Variants in SGCA observed in about 807,000 individuals in gnomAD.
SGCA encodes the protein sarcoglycan alpha, also known as alpha-sarcoglycan.
SGCA carries 34 observed loss-of-function variants against 38.1 expected under a neutral mutation model. The ratio of observed to expected loss-of-function variants is 0.89; its 90% CI spans 0.68 to 1.19. The LOEUF is 1.19. Among genes scored for constraint, SGCA ranks in the 50% most tolerant of loss-of-function variants. The pLI, the probability that SGCA is intolerant of heterozygous loss-of-function variation, is 0.00. For synonymous variants in SGCA, 209 were observed against 214.6 expected (o/e 0.97, Z 0.23); for missense variants, 476 against 524.9 (o/e 0.91, Z 0.91).
At position 50,170,307 on chromosome 17, in the gene SGCA, C is replaced by T. The variant is rs965941711; in HGVS notation, c.912C>T (p.Leu304=). The T allele has an allele frequency of 1.2e-6, 2 of 1,614,188 alleles. No individual in the cohort carries two copies. Among genetic ancestry groups the T allele is most frequent in the Non-Finnish European group, 1.7e-6 (2 of 1,180,016 alleles). ...TGCCCCTGCTGGTGGCCCTGCTTCTCACCTTGCTGCTGGCCTATGTCATGT... is the reference window on the plus strand; with the variant it reads ...TGCCCCTGCTGGTGGCCCTGCTTCTTACCTTGCTGCTGGCCTATGTCATGT... ...LLVPLLVALL[L]TLLLAYVMCC... Residue 304 remains leucine (L), a synonymous_variant, in exon 7 of 10, where the codon CTC becomes CTT. Transcript: ENST00000262018.
At chr17:50,173,808 C>A (rs1905681309) in intron 8 of SGCA, among the ~76,000 whole-genome samples, 1 of 152,208 alleles carries the variant, frequency 6.6e-6, no homozygotes, top group African/African-American at 2.4e-5. Flanking sequence ...GGTGACTCCA[C>A]CTCTTCCTGC....
At chr17:50,175,494 G>A in intron 9 of SGCA, 45 bp downstream of exon 9, 1 of 1,543,462 alleles carries the variant, frequency 6.5e-7, no homozygotes, top group South Asian at 1.1e-5. Context: ...GGAACAAGAT[G>A]GCCTTTATCA....
chr17:50,172,571 C>T, intron 8 of SGCA: 1 of 284,840 alleles, frequency 3.5e-6, no homozygotes, highest in Non-Finnish European at 7.0e-6. Flanking sequence ...ACCTCAGACT[C>T]CCTGGGCTCA....
chr17:50,171,915 G>A (rs1025908072), intron 8 of SGCA: 5 of 456,652 alleles, frequency 1.1e-5, no homozygotes, highest in South Asian at 3.1e-5. Context: ...GCACAGGTGC[G>A]TTGCCCAGTC....
In SGCA at chr17:50,175,865, A is replaced by G. The variant is rs73987439; in HGVS notation, c.*166A>G. On this transcript the variant is annotated 3_prime_UTR_variant, in exon 10 of 10. Coordinates refer to ENST00000262018, the MANE Select transcript of SGCA (RefSeq NM_000023.4). ...GGGGTGGGGTGAGAGTGTGTGGAGT[A>G]AGGACATTCAGAATAAATATCTGCT... 0.056 allele frequency: 26,142 copies of G among 465,532 alleles called. 1,327 individuals carry two copies. The highest frequency in any genetic ancestry group is 0.2 in the African/African-American group (10,266 of 50,490). The allele number at this position is 465,532 out of a possible 1,614,324, so 28.8% of individuals were successfully genotyped here.
Position 50,166,065 on chromosome 17 carries a change from C to A in SGCA, c.25C>A (p.Pro9Thr), listed in dbSNP as rs1420118468. The A allele has an allele frequency of 6.2e-7, 1 of 1,613,740 alleles. No individual in the cohort carries two copies. Among genetic ancestry groups the A allele is most frequent in the Admixed American group, 1.7e-5 (1 of 60,018 alleles). Residue 9 changes from proline to threonine, a missense_variant, in exon 1 of 10, where the codon CCT (proline) becomes ACT (threonine). Coordinates refer to ENST00000262018, the MANE Select transcript of SGCA (RefSeq NM_000023.4). ...CATGGCTGAGACACTCTTCTGGACTCCTCTCCTCGTGGGCAAGTTGGGGCC... is the reference window on the plus strand; with the variant it reads ...CATGGCTGAGACACTCTTCTGGACTACTCTCCTCGTGGGCAAGTTGGGGCC... MAETLFWT[P>T]LLVVLLAGLG... is the part of the protein sequence containing the mutation.
Position 50,169,244 on chromosome 17 carries a change from A to G in SGCA, c.737A>G (p.Asn246Ser), listed in dbSNP as rs886042858. Residue 246 changes from asparagine to serine, a missense_variant, in exon 6 of 10, where the codon AAT becomes AGT. Transcript: ENST00000262018. ...LAPHFRVDWC[N>S]VTLVDKSVPE... ...CCCCACTTCCGCGTTGACTGGTGCAATGTGACCCTGGTGAGGAGGGACCCT... is the reference window on the plus strand; with the variant it reads ...CCCCACTTCCGCGTTGACTGGTGCAGTGTGACCCTGGTGAGGAGGGACCCT... The G allele has an allele frequency of 2.5e-6, 4 of 1,612,866 alleles. No individual in the cohort carries two copies. The highest frequency in any genetic ancestry group is 2.7e-5 in the African/African-American group (2 of 74,842).
chr17:50,170,339 G>A lies in SGCA; in HGVS notation c.944G>A (p.Arg315Gln), dbSNP rs1905272005. 4 of 1,613,544 alleles carry A rather than the reference G, an allele frequency of 2.5e-6. No homozygotes were observed. Among genetic ancestry groups the A allele is most frequent in the Non-Finnish European group, 1.7e-6 (2 of 1,179,506 alleles). Residue 315 changes from arginine (R) to glutamine (Q), a missense_variant, in exon 7 of 10, where the codon CGG (arginine) becomes CAG (glutamine). Transcript: ENST00000262018. ...CTGCTGGCCTATGTCATGTGCTGCC[G>A]GCGGGAGGGAAGGTGAATGTGGGCA... ...TLLLAYVMCC[R>Q]REGRLKRDLA...
At chr17:50,171,420 G>A (rs1342951225) in intron 8 of SGCA, 10 of 435,898 alleles carry the variant, frequency 2.3e-5, no homozygotes, top group African/African-American at 1.4e-4. Context: ...GATTCCAGGA[G>A]GCAGATGTGA....
chr17:50,175,644 T>G (rs1905882242), intron 9 of SGCA, 68 bp from the exon 10 acceptor site: 1 of 692,842 alleles, frequency 1.4e-6, no homozygotes, highest in African/African-American at 1.8e-5. Flanking sequence ...GCAGTTGGAG[T>G]GTCAGGGTGG....
In SGCA at chr17:50,167,626, G is replaced by C; in HGVS notation, c.202G>C (p.Gly68Arg). 1 of 1,613,728 alleles carries C rather than the reference G, an allele frequency of 6.2e-7. No individual in the cohort carries two copies. The highest frequency in any genetic ancestry group is 8.5e-7 in the Non-Finnish European group (1 of 1,179,958). ...VHITYHAHLQ[G>R]HPDLPRWLRY... is the part of the protein sequence containing the mutation. ...CATCACCTACCACGCCCACCTCCAGGGACACCCAGACCTGCCCCGGTGGCT... is the reference window on the plus strand; with the variant it reads ...CATCACCTACCACGCCCACCTCCAGCGACACCCAGACCTGCCCCGGTGGCT... Residue 68 changes from glycine (G) to arginine (R), a missense_variant, in exon 3 of 10, where the codon GGA (glycine) becomes CGA (arginine). Physicochemically the swap from Gly to Arg is moderately radical, Grantham distance 125. Transcript: ENST00000262018. This position sits in a 1 kb window ranked among gnomAD's most constrained non-coding sequence, Gnocchi z 4.5.
intron 5 of SGCA, among the ~76,000 whole-genome samples, 173 bp from the exon 6 acceptor site, chr17:50,168,919 T>TGC (rs1241779363): frequency 6.6e-6 from 1 of 152,060 alleles, no homozygotes; most frequent in Non-Finnish European, 1.5e-5. Flanking sequence ...CTGTGACTCC[T>TGC]GCCAGACCCC....
chr17:50,166,727 T>C (rs1252793927), intron 1 of SGCA, among the ~76,000 whole-genome samples: 6 of 51,326 alleles, frequency 1.2e-4, no homozygotes, highest in East Asian at 6.3e-4. Flanking sequence ...ACACACACCC[T>C]CACACACACC....
chr17:50,174,513 G>GT (rs1454389247), intron 8 of SGCA, among the ~76,000 whole-genome samples: 23 of 144,478 alleles, frequency 1.6e-4, no homozygotes, highest in South Asian at 6.6e-4. Flanking sequence ...GGTAGGTTTT[G>GT]GTTTTTTTTT....
rs1424565163 is a variant in SGCA, at chr17:50,170,200, C to G, written c.805C>G (p.Leu269Val). ...GGTGCCCACCCCAGGTGATGGGATC[C>G]TGGAGCATGACCCGTTCTTCTGCCC... ...DEVPTPGDGILEHDPFFCPPT... is the reference protein window; with the variant it reads ...DEVPTPGDGIVEHDPFFCPPT... The change falls in exon 7 of 10, where the codon CTG becomes GTG. Residue 269 changes from leucine (L) to valine (V), a missense_variant. By Grantham distance (32) the Leu-to-Val change is conservative. Transcript: ENST00000262018. The G allele has an allele frequency of 6.2e-7, 1 of 1,614,068 alleles. No homozygotes were observed. The highest frequency in any genetic ancestry group is 8.5e-7 in the Non-Finnish European group (1 of 1,180,032).
intron 8 of SGCA, 85 bp downstream of exon 8, chr17:50,170,751 G>A: frequency 8.8e-7 from 1 of 1,137,298 alleles, no homozygotes; most frequent in Non-Finnish European, 1.3e-6. Context: ...ATGAACAGCA[G>A]AGACAAAATA....
intron 1 of SGCA, among the ~76,000 whole-genome samples, chr17:50,166,910 A>AC (rs143508328): frequency 2.5e-4 from 5 of 20,252 alleles, no homozygotes; most frequent in South Asian, 2.6e-3. Flanking sequence ...GCAAACACAC[A>AC]CCCCCCACAC....
rs1033603712 is a variant in SGCA, at chr17:50,168,083, G to A, written c.385+64G>A. On this transcript the variant is annotated intron_variant, in intron 4 of 9. Transcript: ENST00000262018. Reference sequence around the variant, plus strand: ...CAGTCTTGGGGAATCTCTCCCGGAGGGGGAGGGGGCTGTGGACAGGAGAGG... The same window carrying A: ...CAGTCTTGGGGAATCTCTCCCGGAGAGGGAGGGGGCTGTGGACAGGAGAGG... 4.7e-6 allele frequency: 7 copies of A among 1,477,538 alleles called. No homozygotes were observed. The African/African-American group carries it at 9.7e-5, about 20-fold the overall frequency. The allele number at this position is 1,477,538 out of a possible 1,614,324, so 91.5% of individuals were successfully genotyped here. A position where few individuals can be genotyped will look rare whatever the true frequency, so the allele number is the denominator to read the frequency against.
At position 50,166,033 on chromosome 17, in the gene SGCA, G is replaced by C. The variant is rs149296410; in HGVS notation, c.-8G>C. On this transcript the variant is annotated 5_prime_UTR_variant, in exon 1 of 10. Transcript: ENST00000262018. ...TGTCACTCACCGGGCGGGCCAGGCC[G>C]GGCAGCCATGGCTGAGACACTCTTC... The C allele has an allele frequency of 6.2e-7, 1 of 1,612,700 alleles. No individual in the cohort carries two copies. The highest frequency in any genetic ancestry group is 1.3e-5 in the African/African-American group (1 of 74,870).
Sources: gnomAD v4.1 joint callset for allele counts (sites outside exome capture counted in the v4.1 genomes callset) on GRCh38, gnomAD v4.1.1 for gene constraint, Gnocchi (gnomAD v3.1) non-coding constraint, MANE v1.5 for transcripts, NCBI Gene and HGNC (gene_info 2026-07-23, HGNC 2026-07-21) for gene names.